Variants in TEF observed in about 807,000 individuals in gnomAD.
TEF encodes TEF transcription factor, PAR bZIP family member, also known as thyrotroph embryonic factor.
In TEF, 3 loss-of-function variants were observed where a neutral mutation model predicts 20.8. That is an observed-to-expected ratio of 0.14 (90% CI 0.07 to 0.37). The LOEUF (loss-of-function observed/expected upper bound fraction) is 0.37, where lower values mean the gene tolerates loss of function less well. Ranked by LOEUF, TEF falls within the 10% of genes least tolerant of loss-of-function variation. The pLI is 1.00. For synonymous variants in TEF, 180 were observed against 171.1 expected, an observed-to-expected ratio of 1.05 and a Z score of -0.41; for missense variants, 296 against 397.9, an observed-to-expected ratio of 0.74 and a Z score of 2.18.
intron 1 of TEF, chr22:41,369,247 C>T (rs1569249711): frequency 1.0e-5 from 10 of 985,416 alleles, no homozygotes; most frequent in Non-Finnish European, 1.2e-5. Context: ...CCTGCAATAG[C>T]CGAAAAGTCC....
Position 41,390,239 on chromosome 22 carries a change from T to TG in TEF, c.475+2572dup, listed in dbSNP as rs1373359176. On this transcript the variant is annotated intron_variant, in intron 2 of 3. Coordinates refer to ENST00000266304, the MANE Select transcript of TEF (RefSeq NM_003216.4). ...TATATATGCGTTTCTTTTGGGCATT[T>TG]GCTTAGGAAGAGAATGGCTAGGTCA... 2.6e-5 allele frequency among the ~76,000 whole-genome samples: 4 copies of TG among 152,294 alleles called. No individual in the cohort carries two copies. In the East Asian group the frequency reaches 5.8e-4, roughly 22 times the overall value.
intron 1 of TEF, among the ~76,000 whole-genome samples, chr22:41,373,621 C>A (rs1052192257): frequency 1.3e-5 from 2 of 151,876 alleles, no homozygotes; most frequent in African/African-American, 2.4e-5. Context: ...GGGCGCCCAC[C>A]ACCACGCCCA....
intron 2 of TEF, among the ~76,000 whole-genome samples, chr22:41,393,201 C>T (rs1388438756): frequency 1.3e-5 from 2 of 151,906 alleles, no homozygotes; most frequent in East Asian, 1.9e-4. Flanking sequence ...ATTAGCCAGG[C>T]GTGTTGGTGT....
rs2037261863 is a variant in TEF at position 41,398,913 on chromosome 22, GCTCTA to G, written c.*2957_*2961del. 1.3e-5 allele frequency: 2 copies of G among 152,684 alleles called. No homozygotes were observed. The highest frequency in any genetic ancestry group is 4.8e-5 in the African/African-American group (2 of 41,478). 9.5% of individuals were successfully genotyped at this position (152,684 alleles called of 1,614,324 possible). On this transcript the variant is annotated 3_prime_UTR_variant, in exon 4 of 4. Coordinates refer to ENST00000266304, the MANE Select transcript of TEF (RefSeq NM_003216.4). ...AGGAGCATCTGGTTTTCATGGCAAA[GCTCTA>G]CTCCAGAGCTCCTTTAACATCTGCT...
At chr22:41,392,765 G>T (rs1167279116) in intron 2 of TEF, among the ~76,000 whole-genome samples, 1 of 146,446 alleles carries the variant, frequency 6.8e-6, no homozygotes, top group Non-Finnish European at 1.5e-5. Context: ...GGCTGGACGT[G>T]GTGGCTCACA....
intron 1 of TEF, among the ~76,000 whole-genome samples, chr22:41,383,781 C>T (rs1166302558): frequency 1.3e-5 from 2 of 152,218 alleles, no homozygotes; most frequent in African/African-American, 2.4e-5. Context: ...TTATTGTTGC[C>T]TGTCTTTCAC....
intron 1 of TEF, among the ~76,000 whole-genome samples, chr22:41,368,431 C>G (rs1453476382): frequency 6.6e-6 from 1 of 152,074 alleles, no homozygotes; most frequent in Non-Finnish European, 1.5e-5. Flanking sequence ...CCCTCTCATC[C>G]TGCTGTGCCA....
chr22:41,375,946 G>A (rs1407170535), intron 1 of TEF, among the ~76,000 whole-genome samples: 3 of 152,054 alleles, frequency 2.0e-5, no homozygotes, highest in African/African-American at 4.8e-5. Flanking sequence ...ACAGATAACC[G>A]GGCTTTCTTA....
intron 1 of TEF, among the ~76,000 whole-genome samples, chr22:41,368,857 C>T (rs769159186): frequency 2.6e-5 from 4 of 152,328 alleles, no homozygotes; most frequent in East Asian, 1.9e-4. Context: ...GAGAAGCCCA[C>T]CTCCTCAGCG....
chr22:41,381,512 T>C (rs914220289), upstream of TEF, among the ~76,000 whole-genome samples: 1 of 152,030 alleles, frequency 6.6e-6, no homozygotes. Context: ...GCCTGGCCGC[T>C]CCGAGCTCCG....
At chr22:41,369,127 G>GGGA in intron 1 of TEF, 1 of 985,406 alleles carries the variant, frequency 1.0e-6, no homozygotes, top group Non-Finnish European at 1.2e-6. Flanking sequence ...CAGTGGGGCA[G>GGGA]GGAGGATTCT....
Position 41,382,109 on chromosome 22 carries a change from C to A in TEF, c.65C>A (p.Pro22Gln). The A allele has an allele frequency of 8.1e-7, 1 of 1,233,128 alleles. No homozygotes were observed. The highest frequency in any genetic ancestry group is 3.2e-5 in the East Asian group (1 of 31,694). 76.4% of individuals were successfully genotyped at this position (1,233,128 alleles called of 1,614,324 possible). A position where few individuals can be genotyped will look rare whatever the true frequency, so the allele number is the denominator to read the frequency against. Residue 22 changes from proline (P) to glutamine (Q), a missense_variant, in exon 1 of 4, where the codon CCG becomes CAG. Coordinates refer to ENST00000266304, the MANE Select transcript of TEF (RefSeq NM_003216.4). ...CCGCAGGCAGGACCCGGTCCGGGGC[C>A]GGGGCGCGCAGCTGGGGAAAGGGGC... ...VDPQAGPGPG[P>Q]GRAAGERGLS... is the part of the protein sequence containing the mutation.
intron 1 of TEF, 48 bp downstream of exon 1, chr22:41,382,249 A>G (rs1257652729): frequency 3.6e-4 from 47 of 132,232 alleles, no homozygotes; most frequent in Admixed American, 4.0e-4. Flanking sequence ...GGGCTTATAC[A>G]GGGGCGGGGC....
At chr22:41,380,784 C>T (rs1006570845), upstream of TEF, among the ~76,000 whole-genome samples, 1 of 152,148 alleles carries the variant, frequency 6.6e-6, no homozygotes, top group African/African-American at 2.4e-5. Flanking sequence ...TGCGGAACTC[C>T]CGGGGAGGCT....
rs1308785986 is a variant in TEF at position 41,381,961 on chromosome 22, G to T, written c.-84G>T. On this transcript the variant is annotated 5_prime_UTR_variant, in exon 1 of 4. Coordinates refer to ENST00000266304, the MANE Select transcript of TEF (RefSeq NM_003216.4). ...GCCTGCGCAGTAGCTGCCCGTGTCG[G>T]CAGCTGCAGCGGGTCGCACGGCTCC... The T allele has an allele frequency of 8.1e-7, 1 of 1,227,522 alleles. No individual in the cohort carries two copies. Among genetic ancestry groups the T allele is most frequent in the Non-Finnish European group, 1.0e-6 (1 of 985,464 alleles). The allele number at this position is 1,227,522 out of a possible 1,614,324, so 76.0% of individuals were successfully genotyped here.
chr22:41,368,246 G>C (rs947183744), intron 1 of TEF, among the ~76,000 whole-genome samples: 1 of 151,294 alleles, frequency 6.6e-6, no homozygotes, highest in Non-Finnish European at 1.5e-5. Context: ...TTAGTTTGGC[G>C]GAGAATACTG....
At chr22:41,386,355 C>T (rs138155631) in intron 1 of TEF, among the ~76,000 whole-genome samples, 2,903 of 152,218 alleles carry the variant, frequency 0.019, 87 homozygotes, top group African/African-American at 0.065. Flanking sequence ...GCAGGAGAAT[C>T]GCTTGAACCA....
At chr22:41,389,899 A>G (rs932378292) in intron 2 of TEF, among the ~76,000 whole-genome samples, 4 of 151,686 alleles carry the variant, frequency 2.6e-5, no homozygotes, top group African/African-American at 4.8e-5. Flanking sequence ...ATTCATGTGC[A>G]TGTCTTTTTT....
chr22:41,396,120 G>A lies in TEF; in HGVS notation c.*160G>A. On this transcript the variant is annotated 3_prime_UTR_variant, in exon 4 of 4. Transcript: ENST00000266304. ...CACGTCTCAGCTTCATTATACCATG[G>A]CCTGCGCACGTGGCGACGTCCCTGA... 1 of 751,312 alleles carries A rather than the reference G, an allele frequency of 1.3e-6. No homozygotes were observed. The highest frequency in any genetic ancestry group is 2.1e-6 in the Non-Finnish European group (1 of 472,548). 46.5% of individuals were successfully genotyped at this position (751,312 alleles called of 1,614,324 possible).
Sources: gnomAD v4.1 joint callset for allele counts (sites outside exome capture counted in the v4.1 genomes callset) on GRCh38, gnomAD v4.1.1 for gene constraint, MANE v1.5 for transcripts, NCBI Gene and HGNC (gene_info 2026-07-23, HGNC 2026-07-21) for gene names.